Variants in SLC29A3 observed in about 807,000 individuals in gnomAD.
SLC29A3 encodes solute carrier family 29 member 3, also known as equilibrative nucleoside transporter 3.
Under a neutral mutation model 25.4 loss-of-function variants are expected in SLC29A3, and 18 were observed. That is an observed-to-expected ratio of 0.71 (90% confidence interval 0.49 to 1.05). SLC29A3 has a LOEUF of 1.05. Ranked by LOEUF, SLC29A3 falls within the 50% of genes least tolerant of loss-of-function variation. SLC29A3 has a pLI of 0.00. For missense variants in SLC29A3, 586 were observed against 609.0 expected (o/e 0.96, Z 0.40); for synonymous variants, 258 against 267.1 (o/e 0.97, Z 0.33).
rs756896677 is a variant in SLC29A3, at chr10:71,362,064, C to T, written c.884C>T (p.Thr295Ile). ...SVASRFIDSH[T>I]PPLRPILKKT... ...GCCTCCAGATTCATTGATTCCCACA[C>T]ACCCCCTCTCCGCCCCATCCTGAAG... Residue 295 changes from threonine (T) to isoleucine (I), a missense_variant, in exon 6 of 6, where the codon ACA (threonine) becomes ATA (isoleucine). Transcript: ENST00000373189. The T allele has an allele frequency of 1.1e-5, 18 of 1,614,046 alleles. No homozygotes were observed. The highest frequency in any genetic ancestry group is 1.5e-5 in the Non-Finnish European group (18 of 1,180,040).
intron 3 of SLC29A3, among the ~76,000 whole-genome samples, chr10:71,349,442 A>G (rs554864524): frequency 6.6e-6 from 1 of 152,166 alleles, no homozygotes; most frequent in Non-Finnish European, 1.5e-5. Context: ...GCTCCCATGT[A>G]GCAGTCCCAG....
At chr10:71,326,340 A>G (rs1383779880) in intron 2 of SLC29A3, among the ~76,000 whole-genome samples, 2 of 152,238 alleles carry the variant, frequency 1.3e-5, no homozygotes, top group Non-Finnish European at 2.9e-5. Context: ...TGGCACCCCT[A>G]TCTGAAGTGC....
chr10:71,323,958 T>A (rs767818486), intron 2 of SLC29A3, among the ~76,000 whole-genome samples: 2 of 152,124 alleles, frequency 1.3e-5, no homozygotes, highest in Non-Finnish European at 2.9e-5. Context: ...AGGAGTCAAT[T>A]TTGTTTAGTT....
chr10:71,370,280 G>T (rs1047308870), intron 3 of SLC29A3, among the ~76,000 whole-genome samples: 1 of 152,182 alleles, frequency 6.6e-6, no homozygotes, highest in African/African-American at 2.4e-5. Context: ...ACACAGAGAA[G>T]AGTAAAGTAT....
At chr10:71,327,031 G>C (rs972510375) in intron 2 of SLC29A3, among the ~76,000 whole-genome samples, 1 of 152,330 alleles carries the variant, frequency 6.6e-6, no homozygotes, top group East Asian at 1.9e-4. Context: ...CCTGTCACCT[G>C]AGGGCCACTT....
At chr10:71,347,008 C>G (rs1846605984) in intron 3 of SLC29A3, among the ~76,000 whole-genome samples, 1 of 152,284 alleles carries the variant, frequency 6.6e-6, no homozygotes, top group African/African-American at 2.4e-5. Flanking sequence ...CCACCCCTGG[C>G]CTGCCCCTGC....
exon 5 of SLC29A3, chr10:71,380,875 TG>T (rs1847297570): frequency 6.6e-6 from 1 of 152,240 alleles, no homozygotes; most frequent in Non-Finnish European, 1.5e-5. Context: ...TATCAATATT[TG>T]TTTTTTTAAA....
chr10:71,362,132 A>G lies in SLC29A3; in HGVS notation c.952A>G (p.Ile318Val). The G allele has an allele frequency of 6.2e-7, 1 of 1,613,986 alleles. No individual in the cohort carries two copies. Among genetic ancestry groups the G allele is most frequent in the Non-Finnish European group, 8.5e-7 (1 of 1,179,982 alleles). The change falls in exon 6 of 6, where the codon ATC becomes GTC. Residue 318 changes from isoleucine to valine, a missense_variant. Physicochemically the swap from Ile to Val is conservative, Grantham distance 29 (BLOSUM62 3). Transcript: ENST00000373189. ...LGFCVTYVFF[I>V]TSLIYPAICT... ...CTTCTGTGTCACCTACGTCTTCTTC[A>G]TCACCAGCCTCATCTACCCCGCCAT...
At chr10:71,323,313 C>T (rs1242346594) in intron 2 of SLC29A3, among the ~76,000 whole-genome samples, 1 of 152,234 alleles carries the variant, frequency 6.6e-6, no homozygotes, top group African/African-American at 2.4e-5. Context: ...TTCCAAAAGA[C>T]TAGTAACTAA....
Position 71,362,433 on chromosome 10 carries a change from T to A in SLC29A3, c.1253T>A (p.Leu418His). Reference sequence around the variant, plus strand: ...CAGTCCGATGTGTACCCCGCACTCCTCAGCTCCCTGCTGGGGCTCAGCAAC... The same window carrying A: ...CAGTCCGATGTGTACCCCGCACTCCACAGCTCCCTGCTGGGGCTCAGCAAC... The part of the protein sequence containing the change: ...VFQSDVYPAL[L>H]SSLLGLSNGY... Residue 418 changes from leucine (L) to histidine (H), a missense_variant, in exon 6 of 6, where the codon CTC becomes CAC. By Grantham distance (99) the Leu-to-His change is moderately conservative. Transcript: ENST00000373189. 6.2e-7 allele frequency: 1 copy of A among 1,614,210 alleles called. No individual in the cohort carries two copies. The highest frequency in any genetic ancestry group is 8.5e-7 in the Non-Finnish European group (1 of 1,180,044).
At chr10:71,335,556 G>A (rs143898912) in intron 2 of SLC29A3, among the ~76,000 whole-genome samples, 36 of 152,286 alleles carry the variant, frequency 2.4e-4, no homozygotes, top group Middle Eastern at 6.8e-3. Flanking sequence ...GCTAGAACCC[G>A]AGGGGAGACT....
In SLC29A3 at chr10:71,362,323, G is replaced by T; in HGVS notation, c.1143G>T (p.Gly381=). 1 of 1,614,156 alleles carries T rather than the reference G, an allele frequency of 6.2e-7. No individual in the cohort carries two copies. ...GGCCCAATAGCAAGGCGCTCCCAGG[G>T]TTCGTGCTCCTCCGGACCTGCCTCA... is the stretch of plus-strand genomic sequence containing the variant. ...VPGPNSKALP[G]FVLLRTCLIP... is the part of the protein sequence containing the mutation. The change falls in exon 6 of 6, where the codon GGG becomes GGT. Residue 381 remains glycine, a synonymous_variant. Coordinates refer to ENST00000373189, the MANE Select transcript of SLC29A3 (RefSeq NM_018344.6).
intron 4 of SLC29A3, chr10:71,352,662 A>G (rs1846796082): frequency 6.6e-6 from 1 of 152,346 alleles, no homozygotes; most frequent in African/African-American, 2.4e-5. Context: ...CAGCACCCCC[A>G]AGCTTTGGTA....
intron 5 of SLC29A3, among the ~76,000 whole-genome samples, chr10:71,361,657 A>C (rs1847056085): frequency 1.3e-5 from 2 of 152,254 alleles, no homozygotes. Context: ...AATATAACAA[A>C]AACAGGTGAG....
chr10:71,366,517 AG>A (rs1847171762), downstream of SLC29A3: 1 of 152,180 alleles, frequency 6.6e-6, no homozygotes, highest in African/African-American at 2.4e-5. Flanking sequence ...AAGCTACATG[AG>A]GGGACTCTTC....
chr10:71,330,669 T>C (rs555196464), intron 2 of SLC29A3, among the ~76,000 whole-genome samples: 1 of 152,336 alleles, frequency 6.6e-6, no homozygotes, highest in African/African-American at 2.4e-5. Flanking sequence ...TGGAAAGTCC[T>C]GACAGTTATG....
chr10:71,341,332 G>A (rs753666773), intron 2 of SLC29A3, among the ~76,000 whole-genome samples: 59 of 152,186 alleles, frequency 3.9e-4, no homozygotes, highest in Admixed American at 3.4e-3. Context: ...GGGTAAGTCC[G>A]TCTGGAGCAA....
chr10:71,321,688 T>C (rs1486358475), intron 1 of SLC29A3, among the ~76,000 whole-genome samples: 1 of 152,254 alleles, frequency 6.6e-6, no homozygotes, highest in Non-Finnish European at 1.5e-5. Context: ...AAACAGCTTC[T>C]CTGGGTTTAC....
intron 2 of SLC29A3, among the ~76,000 whole-genome samples, chr10:71,327,128 T>C (rs1416343372): frequency 6.6e-6 from 1 of 152,174 alleles, no homozygotes; most frequent in East Asian, 1.9e-4. Context: ...GTTTATTCTT[T>C]CCTGTACTTT....
Sources: gnomAD v4.1 joint callset for allele counts (sites outside exome capture counted in the v4.1 genomes callset) on GRCh38, gnomAD v4.1.1 for gene constraint, MANE v1.5 for transcripts, NCBI Gene and HGNC (gene_info 2026-07-23, HGNC 2026-07-21) for gene names.